The following WNT2B variants were observed in gnomAD, a reference collection of about 807,000 sequenced individuals.
WNT2B encodes Wnt family member 2B.
Under a neutral mutation model 40.5 loss-of-function variants are expected in WNT2B, and 19 were observed. The observed-to-expected ratio is 0.47, with a 90% CI of 0.33 to 0.69. The LOEUF (loss-of-function observed/expected upper bound fraction) is 0.69. Ranked by LOEUF, WNT2B falls within the 30% of genes least tolerant of loss-of-function variation. WNT2B has a pLI of 0.02. For missense variants in WNT2B, 467 were observed against 556.4 expected, an observed-to-expected ratio of 0.84 and a Z score of 1.62; for synonymous variants, 220 against 211.9, an observed-to-expected ratio of 1.04 and a Z score of -0.33.
intron 1 of WNT2B, among the ~76,000 whole-genome samples, chr1:112,487,980 CTCATATAAAAAATT>C (rs1268639596): frequency 9.1e-5 from 13 of 142,832 alleles, no homozygotes; most frequent in African/African-American, 2.9e-4. Flanking sequence ...TGGTAGACGA[CTCATATAAAAAATT>C]TTTTAAAAAC....
intron 1 of WNT2B, among the ~76,000 whole-genome samples, chr1:112,475,994 A>G (rs1041085252): frequency 4.8e-4 from 73 of 152,176 alleles, no homozygotes; most frequent in African/African-American, 1.7e-3. Flanking sequence ...AACAGAATAC[A>G]TATTATTTTT....
Position 112,520,925 on chromosome 1 carries a change from A to C in WNT2B, c.*416A>C, listed in dbSNP as rs1170707828. On this transcript the variant is annotated 3_prime_UTR_variant, in exon 5 of 5. Transcript: ENST00000369684. ...CTACCTGGCCAAAGTTAGATGGGACAAAGATGAATGGCATGTCCCTTCTCT... is the reference window on the plus strand; with the variant it reads ...CTACCTGGCCAAAGTTAGATGGGACCAAGATGAATGGCATGTCCCTTCTCT... 1 of 183,592 alleles carries C rather than the reference A, an allele frequency of 5.4e-6. No homozygotes were observed. Among genetic ancestry groups the C allele is most frequent in the African/African-American group, 2.4e-5 (1 of 42,378 alleles). 11.4% of individuals were successfully genotyped at this position (183,592 alleles called of 1,614,324 possible). A position where few individuals can be genotyped will look rare whatever the true frequency, so the allele number is the denominator to read the frequency against.
intron 1 of WNT2B, among the ~76,000 whole-genome samples, chr1:112,473,122 GAAA>G (rs1402413355): frequency 2.4e-5 from 1 of 42,214 alleles, no homozygotes; most frequent in Non-Finnish European, 4.0e-5. Context: ...AAAAAAGAAA[GAAA>G]AAAGAGAAAG....
intron 1 of WNT2B, among the ~76,000 whole-genome samples, chr1:112,492,971 T>A (rs1651646110): frequency 6.6e-6 from 1 of 152,186 alleles, no homozygotes; most frequent in Admixed American, 6.5e-5. Flanking sequence ...GTCTAATACA[T>A]CATGCCTGGC....
intron 1 of WNT2B, among the ~76,000 whole-genome samples, chr1:112,484,185 TAA>T (rs1268097267): frequency 7.0e-6 from 1 of 143,240 alleles, no homozygotes; most frequent in Non-Finnish European, 1.5e-5. Flanking sequence ...TTTTTATATA[TAA>T]TTTTGTCTCC....
chr1:112,468,452 A>C (rs1650773440), intron 1 of WNT2B, among the ~76,000 whole-genome samples: 1 of 152,042 alleles, frequency 6.6e-6, no homozygotes, highest in South Asian at 2.1e-4. Context: ...CTGCGCCCTC[A>C]TCAGCCTCTG....
rs1466883478 is a variant in WNT2B at position 112,523,970 on chromosome 1, T to C, written c.*3461T>C. 6.6e-6 allele frequency: 1 copy of C among 151,004 alleles called. No homozygotes were observed. The highest frequency in any genetic ancestry group is 2.4e-5 in the African/African-American group (1 of 41,060). 9.4% of individuals were successfully genotyped at this position (151,004 alleles called of 1,614,324 possible). On this transcript the variant is annotated 3_prime_UTR_variant, in exon 5 of 5. Transcript: ENST00000369684. ...TCCACACTCTTCCTTAGAGTGATGC[T>C]GGAAAAATAAAATCAGGGGCTTCAG...
At chr1:112,476,065 A>G (rs147382568) in intron 1 of WNT2B, among the ~76,000 whole-genome samples, 92 of 152,358 alleles carry the variant, frequency 6.0e-4, no homozygotes, top group African/African-American at 2.2e-3. Context: ...AAAAGTCTCA[A>G]TACATTTTAA....
rs767084244 is a variant in WNT2B, at chr1:112,515,080, G to A, written c.389G>A (p.Arg130His). The A allele has an allele frequency of 9.9e-6, 16 of 1,613,962 alleles. No homozygotes were observed. The highest frequency in any genetic ancestry group is 8.3e-5 in the Admixed American group (5 of 59,998). ...GACCGGGACCACACCGTCTTTGGCC[G>A]TGTCATGCTCAGAAGTAAGAGCCTC... ...TLDRDHTVFGRVMLRSSREAA... is the reference protein window; with the variant it reads ...TLDRDHTVFGHVMLRSSREAA... Residue 130 changes from arginine to histidine, a missense_variant, in exon 2 of 5, where the codon CGT becomes CAT. Transcript: ENST00000369684. The surrounding 1 kb of genome is among the most constrained non-coding windows in gnomAD (Gnocchi z 4.4).
chr1:112,472,696 T>TA (rs562626422), intron 1 of WNT2B, among the ~76,000 whole-genome samples: 262 of 151,870 alleles, frequency 1.7e-3, no homozygotes, highest in Non-Finnish European at 3.1e-3. Flanking sequence ...TGGCATCCAA[T>TA]AAAAAATTAC....
chr1:112,495,143 T>C (rs1438062491), intron 1 of WNT2B, among the ~76,000 whole-genome samples: 12 of 151,428 alleles, frequency 7.9e-5, no homozygotes, highest in Admixed American at 7.9e-4. Flanking sequence ...GTATAACTAA[T>C]ATGCTAAGAA....
Position 112,516,392 on chromosome 1 carries a change from T to C in WNT2B, c.656T>C (p.Leu219Ser). The C allele has an allele frequency of 6.2e-7, 1 of 1,613,580 alleles. No individual in the cohort carries two copies. Among genetic ancestry groups the C allele is most frequent in the Non-Finnish European group, 8.5e-7 (1 of 1,179,914 alleles). ...AAGGATGCCCGGGCCCTCATGAACT[T>C]ACATAATAACCGCTGTGGTCGCACG... ...RLKDARALMNLHNNRCGRTAV... is the reference protein window; with the variant it reads ...RLKDARALMNSHNNRCGRTAV... Residue 219 changes from leucine to serine, a missense_variant, in exon 3 of 5, where the codon TTA becomes TCA. Physicochemically the swap from Leu to Ser is moderately radical, Grantham distance 145. This residue lies in a region of WNT2B where 330 missense variants were observed against 438.6 expected (regional missense o/e 0.75). Transcript: ENST00000369684.
At position 112,520,443 on chromosome 1, in the gene WNT2B, C is replaced by G; in HGVS notation, c.1110C>G (p.Cys370Trp). The G allele has an allele frequency of 6.2e-7, 1 of 1,614,182 alleles. No individual in the cohort carries two copies. Among genetic ancestry groups the G allele is most frequent in the Non-Finnish European group, 8.5e-7 (1 of 1,180,034 alleles). ...HWCCAVRCKECRNTVDVHTCK... is the reference protein window; with the variant it reads ...HWCCAVRCKEWRNTVDVHTCK... ...GCTGTGCTGTACGGTGCAAGGAATGCAGAAATACTGTGGACGTCCATACTT... is the reference window on the plus strand; with the variant it reads ...GCTGTGCTGTACGGTGCAAGGAATGGAGAAATACTGTGGACGTCCATACTT... Residue 370 changes from cysteine (C) to tryptophan (W), a missense_variant, in exon 5 of 5, where the codon TGC becomes TGG. Transcript: ENST00000369684.
chr1:112,504,120 G>A (rs1051155229), upstream of WNT2B, among the ~76,000 whole-genome samples: 17 of 152,260 alleles, frequency 1.1e-4, no homozygotes, highest in Admixed American at 6.5e-4. Context: ...TGACCACCCA[G>A]GATCCCAGCA....
At position 112,525,820 on chromosome 1, in the gene WNT2B, T is replaced by C. The variant is rs1653288994; in HGVS notation, c.*5311T>C. 1 of 647,588 alleles carries C rather than the reference T, an allele frequency of 1.5e-6. No individual in the cohort carries two copies. Among genetic ancestry groups the C allele is most frequent in the South Asian group, 3.2e-5 (1 of 31,404 alleles). 40.1% of individuals were successfully genotyped at this position (647,588 alleles called of 1,614,324 possible). On this transcript the variant is annotated 3_prime_UTR_variant, in exon 5 of 5. Transcript: ENST00000369684. ...AGGAAGACAATTTCATCTACAGTTG[T>C]CCTTTTTGACAGCTTCCAAGGGGGG...
rs1360455206 is a variant in WNT2B at position 112,527,189 on chromosome 1, AC to A, written c.*6684del. ...CATAGGCTACCTATCCTAATCCTGC[AC>A]CCCAACTGTTAAGACAGAAGGGAAA... is the stretch of plus-strand genomic sequence containing the variant. On this transcript the variant is annotated 3_prime_UTR_variant, in exon 5 of 5. Coordinates refer to ENST00000369684, the MANE Select transcript of WNT2B (RefSeq NM_024494.3). 6.6e-6 allele frequency: 1 copy of A among 152,276 alleles called. No individual in the cohort carries two copies. The highest frequency in any genetic ancestry group is 1.5e-5 in the Non-Finnish European group (1 of 68,086). The allele number at this position is 152,276 out of a possible 1,614,324, so 9.4% of individuals were successfully genotyped here. A position where few individuals can be genotyped will look rare whatever the true frequency, so the allele number is the denominator to read the frequency against.
At chr1:112,472,322 A>G (rs1650905119) in intron 1 of WNT2B, among the ~76,000 whole-genome samples, 3 of 152,218 alleles carry the variant, frequency 2.0e-5, no homozygotes, top group Admixed American at 1.3e-4. Context: ...ACTAAGTGCT[A>G]ATCAGCAAAT....
Position 112,496,349 on chromosome 1 carries a change from C to G in WNT2B, c.-94-18525C>G, listed in dbSNP as rs542640855. Among the ~76,000 whole-genome samples, 14 of 152,246 alleles carry G rather than the reference C, an allele frequency of 9.2e-5. No individual in the cohort carries two copies. In the East Asian group the frequency reaches 2.7e-3, roughly 29 times the overall value. ...AGGGATGCATTCTGCCTCTGGCCCC[C>G]ACAAAGTCATGTCCTTCCCATGTGC... On this transcript the variant is annotated intron_variant, in intron 1 of 4. Coordinates refer to the WNT2B transcript ENST00000256640.
At chr1:112,511,688 AT>A (rs1288059703) in intron 1 of WNT2B, among the ~76,000 whole-genome samples, 5 of 152,176 alleles carry the variant, frequency 3.3e-5, no homozygotes, top group Non-Finnish European at 5.9e-5. Context: ...AGCTTCCGGC[AT>A]GTGCTTTCCT....
Sources: allele counts gnomAD v4.1 joint callset (sites outside exome capture counted in the v4.1 genomes callset), GRCh38; gene constraint gnomAD v4.1.1; regional missense constraint gnomAD v4.1.1; non-coding constraint Gnocchi (gnomAD v3.1); transcripts MANE v1.5; gene names NCBI Gene and HGNC (gene_info 2026-07-23, HGNC 2026-07-21).